Variants in C22orf42 observed in about 807,000 individuals in gnomAD.
C22orf42 encodes the protein uncharacterized protein C22orf42.
A neutral mutation model predicts 31.4 loss-of-function variants in C22orf42; 24 were observed. The observed-to-expected ratio is 0.77, with a 90% CI of 0.55 to 1.08. C22orf42 has a LOEUF of 1.08. C22orf42 is among the 50% of genes least tolerant of loss of function. The pLI is 0.00. For synonymous variants in C22orf42, 96 were observed against 112.7 expected, an observed-to-expected ratio of 0.85 and a Z score of 0.94; for missense variants, 276 against 327.3, an observed-to-expected ratio of 0.84 and a Z score of 1.21.
intron 1 of C22orf42, among the ~76,000 whole-genome samples, chr22:32,155,939 C>T (rs1484966284): frequency 2.0e-5 from 3 of 152,090 alleles, no homozygotes; most frequent in African/African-American, 4.8e-5. Context: ...GGAAGACTGA[C>T]GTGGGAGGAT....
chr22:32,149,650 AAT>A (rs66503637), intron 8 of C22orf42, 37 bp from the exon 9 acceptor site: 5,417 of 1,161,800 alleles, frequency 4.7e-3, no homozygotes, highest in East Asian at 0.015. Context: ...TCAAAAAAAA[AAT>A]ATATATATAT....
chr22:32,149,699 CTATATCTATATCTACATATATATCTATA>C (rs2094109001), intron 8 of C22orf42, 26 bp downstream of exon 8: 2 of 1,159,412 alleles, frequency 1.7e-6, no homozygotes, highest in African/African-American at 3.3e-5. Context: ...ATATCTATAT[CTATATCTATATCTACATATATATCTATA>C]TATATCTAGA....
chr22:32,159,570 G>A, upstream of C22orf42: 1 of 876,188 alleles, frequency 1.1e-6, no homozygotes, highest in South Asian at 3.7e-5. Context: ...AGTCACCCTG[G>A]GCAATGAACT....
At chr22:32,158,829 C>T (rs113057339) in intron 1 of C22orf42, among the ~76,000 whole-genome samples, 155 bp downstream of exon 1, 134 of 152,284 alleles carry the variant, frequency 8.8e-4, no homozygotes, top group African/African-American at 3.0e-3. Flanking sequence ...GCAGAACCAG[C>T]CTTTGTCCCC....
intron 3 of C22orf42, 114 bp from the exon 4 acceptor site, chr22:32,152,208 T>A: frequency 3.2e-6 from 4 of 1,245,176 alleles, no homozygotes; most frequent in Non-Finnish European, 4.6e-6. Flanking sequence ...GAAACAGTGA[T>A]CAAGTCACTG....
Position 32,159,218 on chromosome 22 carries a change from G to A in C22orf42, c.-3C>T. ...CAGCAAGTCAGTTTGCTCCCCATTG[G>A]GCACCTAAACACACAAAAAAGTCCA... On this transcript the variant is annotated 5_prime_UTR_variant, in exon 1 of 9. Transcript: ENST00000382097. 1.2e-6 allele frequency: 2 copies of A among 1,612,328 alleles called. No individual in the cohort carries two copies. Among genetic ancestry groups the A allele is most frequent in the East Asian group, 4.5e-5 (2 of 44,874 alleles).
chr22:32,156,977 GCCAAA>G (rs926483418), intron 1 of C22orf42, among the ~76,000 whole-genome samples: 3 of 152,186 alleles, frequency 2.0e-5, no homozygotes, highest in Non-Finnish European at 4.4e-5. Flanking sequence ...TTTCCTTACA[GCCAAA>G]CCAAAGAATG....
intron 6 of C22orf42, 42 bp downstream of exon 6, chr22:32,150,950 T>C (rs745868131): frequency 1.3e-6 from 2 of 1,582,162 alleles, no homozygotes; most frequent in Admixed American, 1.7e-5. Context: ...GTTTTGCATG[T>C]CAACTACACG....
At position 32,149,574 on chromosome 22, in the gene C22orf42, A is replaced by G; in HGVS notation, c.722T>C (p.Ile241Thr). Residue 241 changes from isoleucine to threonine, a missense_variant, in exon 9 of 9, where the codon ATC becomes ACC. Coordinates refer to ENST00000382097, the MANE Select transcript of C22orf42 (RefSeq NM_001010859.3). ...GAGAAGTCCTAGAACCTGGCTGCTG[A>G]TGGGTTCATTGAGCCGAGACCGTGC... ...KMARSRLNEP[I>T]SSQVLGLLRL is the part of the protein sequence containing the mutation. 6.5e-7 allele frequency: 1 copy of G among 1,534,844 alleles called. No individual in the cohort carries two copies. Among genetic ancestry groups the G allele is most frequent in the Non-Finnish European group, 8.8e-7 (1 of 1,135,976 alleles).
At chr22:32,155,926 T>C (rs1470844920) in intron 1 of C22orf42, among the ~76,000 whole-genome samples, 2 of 152,100 alleles carry the variant, frequency 1.3e-5, no homozygotes, top group Non-Finnish European at 2.9e-5. Context: ...TACCTAGGTA[T>C]GTGGAAGACT....
intron 6 of C22orf42, 101 bp from the exon 7 acceptor site, chr22:32,150,580 G>A (rs951147301): frequency 5.7e-6 from 7 of 1,223,354 alleles, no homozygotes; most frequent in East Asian, 2.3e-5. Flanking sequence ...GCAGGTGGGC[G>A]GTTGACAGGC....
chr22:32,155,251 A>T (rs891088190), intron 1 of C22orf42, among the ~76,000 whole-genome samples: 3 of 152,124 alleles, frequency 2.0e-5, no homozygotes, highest in African/African-American at 7.2e-5. Flanking sequence ...GATGCCCTGG[A>T]GAGATGGCAG....
intron 1 of C22orf42, among the ~76,000 whole-genome samples, chr22:32,155,643 G>A (rs1418499841): frequency 6.6e-6 from 1 of 151,610 alleles, no homozygotes; most frequent in East Asian, 1.9e-4. Flanking sequence ...TCAATGTTGT[G>A]ACCATGACTG....
At chr22:32,159,849 A>G (rs1480342399), upstream of C22orf42, 1 of 152,804 alleles carries the variant, frequency 6.5e-6, no homozygotes, top group Non-Finnish European at 1.5e-5. Flanking sequence ...TTCATTGTCT[A>G]TAAAATAGGG....
intron 7 of C22orf42, 118 bp downstream of exon 7, chr22:32,150,201 A>C (rs1038601183): frequency 9.2e-7 from 1 of 1,086,440 alleles, no homozygotes; most frequent in African/African-American, 1.6e-5. Flanking sequence ...CAGCCAACAA[A>C]AAAATTGTAT....
chr22:32,159,718 T>C (rs1290341208), upstream of C22orf42, among the ~76,000 whole-genome samples: 1 of 152,244 alleles, frequency 6.6e-6, no homozygotes, highest in African/African-American at 2.4e-5. Context: ...CTCTCCTGTC[T>C]TACAAGTGTT....
At chr22:32,160,433 C>T (rs1194351944), upstream of C22orf42, 1 of 152,192 alleles carries the variant, frequency 6.6e-6, no homozygotes, top group East Asian at 1.9e-4. Context: ...GGCAGATGAG[C>T]AAACAAAGGC....
In C22orf42 at chr22:32,150,999, G is replaced by C. The variant is rs751812200; in HGVS notation, c.486C>G (p.His162Gln). The C allele has an allele frequency of 3.5e-5, 56 of 1,612,026 alleles. No homozygotes were observed. Among genetic ancestry groups the C allele is most frequent in the Admixed American group, 1.0e-4 (6 of 59,850 alleles). Reference protein sequence around the residue: ...TSDIEISEAKHDHHLVEDLSE... With the variant: ...TSDIEISEAKQDHHLVEDLSE... Reference sequence around the variant, plus strand: ...TTAAAAAAAAATACGTACGGTGGTCGTGCTTGGCCTCAGATATTTCCTGCA... The same window carrying C: ...TTAAAAAAAAATACGTACGGTGGTCCTGCTTGGCCTCAGATATTTCCTGCA... The change falls in exon 6 of 9, where the codon CAC (histidine) becomes CAG (glutamine). Residue 162 changes from histidine (H) to glutamine (Q), a missense_variant. His to Gln is a conservative substitution (Grantham distance 24). Transcript: ENST00000382097.
chr22:32,149,890 C>T, intron 7 of C22orf42, 110 bp from the exon 8 acceptor site: 1 of 797,578 alleles, frequency 1.3e-6, no homozygotes, highest in Non-Finnish European at 1.9e-6. Context: ...AAACAGTGAT[C>T]AAGTCACTGG....
Sources: allele counts gnomAD v4.1 joint callset (sites outside exome capture counted in the v4.1 genomes callset), GRCh38; gene constraint gnomAD v4.1.1; transcripts MANE v1.5; gene names NCBI Gene and HGNC (gene_info 2026-07-23, HGNC 2026-07-21).